Variants in PTPRF observed in about 807,000 individuals in gnomAD.
PTPRF encodes receptor-type tyrosine-protein phosphatase F.
Under a neutral mutation model 201.8 loss-of-function variants are expected in PTPRF, and 59 were observed. That is an observed-to-expected ratio of 0.29 (90% CI 0.24 to 0.36). The LOEUF is 0.36. Among genes scored for constraint, PTPRF ranks in the 10% least tolerant of loss-of-function variants. PTPRF has a pLI of 1.00. For synonymous variants in PTPRF, 1,088 were observed against 1,089.7 expected (o/e 1.00, Z 0.03); for missense variants, 2,132 against 2,690.5 (o/e 0.79, Z 4.59).
At chr1:43,534,118 AAGAG>A (rs752443884) in intron 1 of PTPRF, among the ~76,000 whole-genome samples, 2 of 152,186 alleles carry the variant, frequency 1.3e-5, no homozygotes, top group East Asian at 1.9e-4. Flanking sequence ...GAGTTTGAAG[AAGAG>A]AGAAAGGACT....
chr1:43,523,749 T>C (rs947896706), upstream of PTPRF, among the ~76,000 whole-genome samples: 7 of 152,100 alleles, frequency 4.6e-5, no homozygotes, highest in African/African-American at 1.2e-4. Flanking sequence ...AACACTCTTA[T>C]GGAAGAAGAG....
chr1:43,562,183 A>G (rs981059773), intron 5 of PTPRF, among the ~76,000 whole-genome samples: 1 of 151,626 alleles, frequency 6.6e-6, no homozygotes, highest in African/African-American at 2.4e-5. Context: ...ATCTCAGCTC[A>G]CTGCAACTTC....
rs749216172 is a variant in PTPRF at position 43,579,138 on chromosome 1, G to A, written c.679+218G>A. On this transcript the variant is annotated intron_variant, in intron 7 of 33. Transcript: ENST00000359947. Reference sequence around the variant, plus strand: ...CCTTCCTTCCTTGCAGGCCCATGGGGAAGCAGCCACTCTTGGGAGCATTTG... The same window carrying A: ...CCTTCCTTCCTTGCAGGCCCATGGGAAAGCAGCCACTCTTGGGAGCATTTG... The A allele has an allele frequency of 2.1e-5, 15 of 704,692 alleles. No homozygotes were observed. In the South Asian group the frequency reaches 2.3e-4, roughly 11 times the overall value. 43.7% of individuals were successfully genotyped at this position (704,692 alleles called of 1,614,324 possible). A position where few individuals can be genotyped will look rare whatever the true frequency, so the allele number is the denominator to read the frequency against.
intron 16 of PTPRF, 149 bp downstream of exon 16, chr1:43,604,338 A>G: frequency 1.2e-6 from 1 of 801,788 alleles, no homozygotes; most frequent in East Asian, 2.7e-5. Context: ...ACTAACCTCT[A>G]GTGAATGGGC....
chr1:43,527,703 G>A (rs1456960148), upstream of PTPRF, among the ~76,000 whole-genome samples: 1 of 152,184 alleles, frequency 6.6e-6, no homozygotes, highest in African/African-American at 2.4e-5. Context: ...TTCCAGTACT[G>A]TGCTCAGTAG....
chr1:43,581,960 C>T (rs959802592), intron 7 of PTPRF, among the ~76,000 whole-genome samples: 3 of 152,330 alleles, frequency 2.0e-5, no homozygotes, highest in Admixed American at 1.3e-4. Context: ...ATGCCAGTGG[C>T]ACCCCTCAGT....
At position 43,606,269 on chromosome 1, in the gene PTPRF, G is replaced by A; in HGVS notation, c.3513G>A (p.Glu1171=). The part of the protein sequence containing the change: ...ELLEAIEQGG[E]EQRRRRRQAE... ...TAGAAGCCATCGAGCAAGGCGGAGA[G>A]GAGCAGCGGCGGCGGCGGCGGCAGG... The change falls in exon 20 of 34, where the codon GAG becomes GAA. Residue 1171 remains glutamate (E), a synonymous_variant. Coordinates refer to ENST00000359947, the MANE Select transcript of PTPRF (RefSeq NM_002840.5). The A allele has an allele frequency of 6.2e-7, 1 of 1,613,902 alleles. No individual in the cohort carries two copies. The highest frequency in any genetic ancestry group is 1.7e-5 in the Admixed American group (1 of 60,020).
At position 43,622,492 on chromosome 1, in the gene PTPRF, T is replaced by C. The variant is rs2154042503; in HGVS notation, c.*489T>C. 1 of 156,840 alleles carries C rather than the reference T, an allele frequency of 6.4e-6. No homozygotes were observed. The highest frequency in any genetic ancestry group is 6.3e-5 in the Admixed American group (1 of 15,750). 9.7% of individuals were successfully genotyped at this position (156,840 alleles called of 1,614,324 possible). A position where few individuals can be genotyped will look rare whatever the true frequency, so the allele number is the denominator to read the frequency against. On this transcript the variant is annotated 3_prime_UTR_variant, in exon 34 of 34. Coordinates refer to ENST00000359947, the MANE Select transcript of PTPRF (RefSeq NM_002840.5). Reference sequence around the variant, plus strand: ...ACTTTGGATCCTTATTTTGTATGACTTCTGCTGAAGGACAGAACATTGCCT... The same window carrying C: ...ACTTTGGATCCTTATTTTGTATGACCTCTGCTGAAGGACAGAACATTGCCT...
chr1:43,604,198 T>A lies in PTPRF; in HGVS notation c.3037+9T>A, dbSNP rs1654481232. ...CATGCCGGTGGAGCAAGGTGTGTGC[T>A]GTGGACATGGCATCCCTTCCCGAGT... On this transcript the variant is annotated intron_variant, in intron 16 of 33. Transcript: ENST00000359947. 1 of 1,610,942 alleles carries A rather than the reference T, an allele frequency of 6.2e-7. No homozygotes were observed. Among genetic ancestry groups the A allele is most frequent in the African/African-American group, 1.3e-5 (1 of 74,898 alleles).
At position 43,564,317 on chromosome 1, in the gene PTPRF, T is replaced by G. The variant is rs901812586; in HGVS notation, c.380-5273T>G. 4.6e-5 allele frequency among the ~76,000 whole-genome samples: 7 copies of G among 152,214 alleles called. No individual in the cohort carries two copies. In the East Asian group the frequency reaches 1.2e-3, roughly 25 times the overall value. On this transcript the variant is annotated intron_variant, in intron 5 of 33. Coordinates refer to ENST00000359947, the MANE Select transcript of PTPRF (RefSeq NM_002840.5). ...AGGATGGAGCTGCTGGAGGTGGCCT[T>G]GGCTTCTGTGGAGCGGCTGAAGGGC...
rs758201146 is a variant in PTPRF at position 43,588,467 on chromosome 1, A to G, written c.680-264A>G. Among the ~76,000 whole-genome samples the G allele has an allele frequency of 2.0e-4, 30 of 152,160 alleles. No individual in the cohort carries two copies. The highest frequency in any genetic ancestry group is 3.5e-4 in the Non-Finnish European group (24 of 68,034). On this transcript the variant is annotated intron_variant, in intron 7 of 33. Coordinates refer to ENST00000359947, the MANE Select transcript of PTPRF (RefSeq NM_002840.5). This position sits in a 1 kb window ranked among gnomAD's most constrained non-coding sequence, Gnocchi z 5.3. ...CTGACAGGCCTCAGTTTCCTAGGCT[A>G]TAAAATGGGAGCTTGGTTGCAAGAT... is the stretch of plus-strand genomic sequence containing the variant.
chr1:43,572,015 C>T (rs1646605678), intron 6 of PTPRF, among the ~76,000 whole-genome samples: 1 of 152,212 alleles, frequency 6.6e-6, no homozygotes, highest in Admixed American at 6.5e-5. Context: ...ACTTTCTGTG[C>T]CCTTGACCCT....
At chr1:43,534,473 G>A (rs540340262) in intron 1 of PTPRF, among the ~76,000 whole-genome samples, 1 of 152,252 alleles carries the variant, frequency 6.6e-6, no homozygotes, top group African/African-American at 2.4e-5. Flanking sequence ...ACACTTGTCA[G>A]GACAGAATGA....
In PTPRF at chr1:43,622,930, T is replaced by G. The variant is rs902595446; in HGVS notation, c.*927T>G. 1.3e-5 allele frequency: 2 copies of G among 152,376 alleles called. No individual in the cohort carries two copies. The highest frequency in any genetic ancestry group is 2.9e-5 in the Non-Finnish European group (2 of 67,986). 9.4% of individuals were successfully genotyped at this position (152,376 alleles called of 1,614,324 possible). On this transcript the variant is annotated 3_prime_UTR_variant, in exon 34 of 34. Transcript: ENST00000359947. ...AAAAGAGTCAGCCCTTGGCTTCTGC[T>G]TCAAACCCTCAAGAGGGGAAGCAAC...
At chr1:43,597,147 C>T (rs1056132798) in intron 11 of PTPRF, among the ~76,000 whole-genome samples, 1 of 143,358 alleles carries the variant, frequency 7.0e-6, no homozygotes, top group Admixed American at 6.9e-5. Flanking sequence ...GTATATGACA[C>T]TATGTATACG....
At chr1:43,530,031 T>C (rs1205625813), upstream of PTPRF, among the ~76,000 whole-genome samples, 1 of 151,924 alleles carries the variant, frequency 6.6e-6, no homozygotes, top group Non-Finnish European at 1.5e-5. The surrounding 1 kb of genome is among the most constrained non-coding windows in gnomAD (Gnocchi z 4.1). Flanking sequence ...ATGAAGGGGC[T>C]TTGTGTGGAG....
At chr1:43,545,200 G>T in intron 3 of PTPRF, 34 bp downstream of exon 3, 2 of 1,548,500 alleles carry the variant, frequency 1.3e-6, no homozygotes, top group Non-Finnish European at 1.7e-6. Context: ...AGATCTCCCA[G>T]GTTGAAAGGT....
upstream of PTPRF, among the ~76,000 whole-genome samples, chr1:43,522,072 G>C (rs1289324754): frequency 2.0e-5 from 3 of 152,134 alleles, no homozygotes; most frequent in Non-Finnish European, 4.4e-5. Context: ...ACTCTTCCAA[G>C]AACATGGCCT....
At position 43,605,453 on chromosome 1, in the gene PTPRF, C is replaced by T. The variant is rs766027557; in HGVS notation, c.3389+10C>T. ...ACCCCTCGCTTGTCAGGTGTGCACACGAGGTATCGGGGGAGGCGGGGCAGG... is the reference window on the plus strand; with the variant it reads ...ACCCCTCGCTTGTCAGGTGTGCACATGAGGTATCGGGGGAGGCGGGGCAGG... On this transcript the variant is annotated intron_variant, in intron 18 of 33. Coordinates refer to ENST00000359947, the MANE Select transcript of PTPRF (RefSeq NM_002840.5). 84 of 1,610,006 alleles carry T rather than the reference C, an allele frequency of 5.2e-5. No individual in the cohort carries two copies. The highest frequency in any genetic ancestry group is 1.3e-4 in the East Asian group (6 of 44,774).
Sources: allele counts gnomAD v4.1 joint callset (sites outside exome capture counted in the v4.1 genomes callset), GRCh38; gene constraint gnomAD v4.1.1; non-coding constraint Gnocchi (gnomAD v3.1); transcripts MANE v1.5; gene names NCBI Gene and HGNC (gene_info 2026-07-23, HGNC 2026-07-21).